The following AGBL4 variants were observed in gnomAD, a reference collection of about 807,000 sequenced individuals.
AGBL4 encodes the protein cytosolic carboxypeptidase 6.
A neutral mutation model predicts 66.4 loss-of-function variants in AGBL4; 58 were observed. The ratio of observed to expected loss-of-function variants is 0.87; its 90% CI spans 0.71 to 1.09. AGBL4 has a LOEUF of 1.09. Ranked by LOEUF, AGBL4 falls within the 50% of genes least tolerant of loss-of-function variation. AGBL4 has a pLI of 0.00. For synonymous variants in AGBL4, 234 were observed against 222.9 expected (o/e 1.05, Z -0.44); for missense variants, 579 against 631.0 (o/e 0.92, Z 0.88).
intron 3 of AGBL4, among the ~76,000 whole-genome samples, chr1:49,639,586 G>A (rs539817320): frequency 5.3e-5 from 8 of 152,284 alleles, no homozygotes; most frequent in Non-Finnish European, 7.4e-5. Context: ...GCTACAAGAA[G>A]TCCTATTTGT....
At chr1:48,659,190 TG>T (rs756545933) in intron 7 of AGBL4, among the ~76,000 whole-genome samples, 3 of 117,734 alleles carry the variant, frequency 2.5e-5, no homozygotes, top group Non-Finnish European at 5.3e-5. Flanking sequence ...TACCTGTGCC[TG>T]GGGCTGACCC....
chr1:49,919,075 G>T (rs1364142095), intron 1 of AGBL4, among the ~76,000 whole-genome samples: 2 of 152,098 alleles, frequency 1.3e-5, no homozygotes, highest in African/African-American at 4.8e-5. Flanking sequence ...GGTATTGATG[G>T]GACATATCTC....
At chr1:49,179,601 A>G (rs1047836541) in intron 4 of AGBL4, among the ~76,000 whole-genome samples, 2 of 152,018 alleles carry the variant, frequency 1.3e-5, no homozygotes, top group African/African-American at 4.8e-5. Context: ...AGCAAGGGAG[A>G]GGCCAACAGG....
At chr1:48,639,722 G>A (rs965951216) in intron 8 of AGBL4, among the ~76,000 whole-genome samples, 6 of 152,216 alleles carry the variant, frequency 3.9e-5, no homozygotes, top group African/African-American at 1.4e-4. Flanking sequence ...ACAAATGGGA[G>A]TTTGCCAAGA....
chr1:48,739,647 T>C (rs914825132), intron 6 of AGBL4, among the ~76,000 whole-genome samples: 18 of 152,196 alleles, frequency 1.2e-4, no homozygotes, highest in Non-Finnish European at 2.1e-4. Flanking sequence ...TTTTCTCAGC[T>C]ATACAGTCAG....
At chr1:49,073,354 C>T (rs1186221038) in intron 4 of AGBL4, among the ~76,000 whole-genome samples, 1 of 152,204 alleles carries the variant, frequency 6.6e-6, no homozygotes, top group Non-Finnish European at 1.5e-5. Context: ...TTCAGTCTTT[C>T]TGCACTGGTT....
At chr1:49,789,486 T>C (rs1294744656) in intron 2 of AGBL4, among the ~76,000 whole-genome samples, 1 of 152,150 alleles carries the variant, frequency 6.6e-6, no homozygotes, top group East Asian at 1.9e-4. Flanking sequence ...TTCAGCAAAG[T>C]CTCAAGATAC....
intron 3 of AGBL4, among the ~76,000 whole-genome samples, chr1:49,306,400 A>G (rs1644849655): frequency 6.6e-6 from 1 of 152,182 alleles, no homozygotes; most frequent in Non-Finnish European, 1.5e-5. Context: ...AAAAACAGGT[A>G]TATGTCTGTC....
At chr1:48,786,581 A>G (rs1454775077) in intron 6 of AGBL4, among the ~76,000 whole-genome samples, 1 of 152,226 alleles carries the variant, frequency 6.6e-6, no homozygotes, top group Non-Finnish European at 1.5e-5. Flanking sequence ...CCAATCATTC[A>G]TGTCTTAAGT....
At chr1:49,107,694 T>TGTGAGAGAGAGAGAGA (rs764451269) in intron 4 of AGBL4, among the ~76,000 whole-genome samples, 3 of 113,944 alleles carry the variant, frequency 2.6e-5, no homozygotes, top group African/African-American at 1.2e-4. Flanking sequence ...TGTGTGTGTG[T>TGTGAGAGAGAGAGAGA]GAGAGAGAGA....
chr1:49,081,861 G>A (rs1644814775), intron 4 of AGBL4, among the ~76,000 whole-genome samples: 2 of 152,198 alleles, frequency 1.3e-5, no homozygotes, highest in African/African-American at 4.8e-5. Context: ...TAGGAAACTT[G>A]AAAATGTCAA....
chr1:49,520,110 G>C (rs528122394), intron 3 of AGBL4, among the ~76,000 whole-genome samples: 1 of 152,146 alleles, frequency 6.6e-6, no homozygotes, highest in South Asian at 2.1e-4. Flanking sequence ...CAAGTGACCT[G>C]ATAATCTACT....
chr1:49,883,329 G>A (rs1023462614), intron 1 of AGBL4, among the ~76,000 whole-genome samples: 6 of 152,124 alleles, frequency 3.9e-5, no homozygotes, highest in Admixed American at 6.5e-5. Context: ...TACCCAACCT[G>A]TAGACGTGCA....
At chr1:49,663,419 C>T (rs893375691) in intron 3 of AGBL4, among the ~76,000 whole-genome samples, 1 of 152,098 alleles carries the variant, frequency 6.6e-6, no homozygotes, top group Non-Finnish European at 1.5e-5. Flanking sequence ...TTTTTATTTA[C>T]CTCTGAATAT....
chr1:48,711,591 C>T (rs1646968139), intron 6 of AGBL4, among the ~76,000 whole-genome samples: 1 of 152,132 alleles, frequency 6.6e-6, no homozygotes, highest in Admixed American at 6.5e-5. Context: ...TTGCTGCTCA[C>T]CCCCGGGGCT....
chr1:49,154,779 C>A (rs1646400265), intron 4 of AGBL4, among the ~76,000 whole-genome samples: 1 of 152,098 alleles, frequency 6.6e-6, no homozygotes. Flanking sequence ...ATATTTGAAT[C>A]CTAGAAAAAC....
At chr1:49,152,864 A>G (rs1646364195) in intron 4 of AGBL4, among the ~76,000 whole-genome samples, 1 of 152,172 alleles carries the variant, frequency 6.6e-6, no homozygotes, top group Admixed American at 6.5e-5. Flanking sequence ...AGAAATAAAT[A>G]CGGTCTTTAC....
intron 3 of AGBL4, among the ~76,000 whole-genome samples, chr1:49,473,803 TTGTATGTAG>T (rs1251346902): frequency 2.6e-5 from 4 of 152,130 alleles, no homozygotes; most frequent in Non-Finnish European, 5.9e-5. Flanking sequence ...TAGTTAATTT[TTGTATGTAG>T]TGAAAGGCAA....
chr1:49,691,110 G>A (rs1425797999), intron 3 of AGBL4, among the ~76,000 whole-genome samples: 3 of 152,104 alleles, frequency 2.0e-5, no homozygotes, highest in African/African-American at 4.8e-5. Context: ...AAGGAAGGTC[G>A]AAAAGGAATA....
Sources: allele counts gnomAD v4.1 joint callset (sites outside exome capture counted in the v4.1 genomes callset), GRCh38; gene constraint gnomAD v4.1.1; transcripts MANE v1.5; gene names NCBI Gene and HGNC (gene_info 2026-07-23, HGNC 2026-07-21).